CFAP54: variants seen among roughly 807,000 people sequenced by gnomAD.
CFAP54 encodes cilia and flagella associated protein 54.
A neutral mutation model predicts 370.4 loss-of-function variants in CFAP54; 290 were observed. The ratio of observed to expected loss-of-function variants is 0.78; its 90% CI spans 0.71 to 0.86. The LOEUF is 0.86. Ranked by LOEUF, CFAP54 falls within the 40% of genes least tolerant of loss-of-function variation. CFAP54 has a pLI of 0.00. For synonymous variants in CFAP54, 1,206 were observed against 1,236.5 expected (o/e 0.98, Z 0.52); for missense variants, 3,399 against 3,528.7 (o/e 0.96, Z 0.93).
rs1281222898 is a variant in CFAP54 at position 96,615,849 on chromosome 12, A to G, written c.3640-5741A>G. On this transcript the variant is annotated intron_variant, in intron 26 of 67. Transcript: ENST00000524981. ...CACCAGTTAGAATGGTGATCATTAA[A>G]AAGTCAGGAAACAAGAGGTGCTGGA... Among the ~76,000 whole-genome samples, 5 of 152,366 alleles carry G rather than the reference A, an allele frequency of 3.3e-5. No homozygotes were observed. In the East Asian group the frequency reaches 7.7e-4, roughly 23 times the overall value.
intron 47 of CFAP54, among the ~76,000 whole-genome samples, chr12:96,706,898 G>A (rs12227477): frequency 0.069 from 10,426 of 152,092 alleles, 770 homozygotes; most frequent in East Asian, 0.44. Flanking sequence ...GAGGAATTGA[G>A]TCAGAAGTTG....
At chr12:96,570,193 C>T (rs534384420) in intron 19 of CFAP54, among the ~76,000 whole-genome samples, 5 of 151,964 alleles carry the variant, frequency 3.3e-5, no homozygotes, top group Non-Finnish European at 4.4e-5. Context: ...AGCATGGTCT[C>T]GAAATCCTGG....
chr12:96,765,252 A>C, intron 60 of CFAP54, 34 bp downstream of exon 60: 3 of 1,439,642 alleles, frequency 2.1e-6, no homozygotes, highest in Admixed American at 1.9e-5. Flanking sequence ...ATGCAAAAAA[A>C]CTGATATATG....
chr12:96,503,080 T>TC (rs1565876760), intron 2 of CFAP54, among the ~76,000 whole-genome samples: 2 of 138,122 alleles, frequency 1.4e-5, no homozygotes, highest in East Asian at 5.5e-4. Context: ...CTTTCTTTCT[T>TC]TCTCTTTCTT....
chr12:96,872,502 C>T (rs921197254), intron 67 of CFAP54, among the ~76,000 whole-genome samples: 9 of 152,102 alleles, frequency 5.9e-5, no homozygotes, highest in Non-Finnish European at 1.0e-4. Context: ...AAGCTGGTGT[C>T]GCTATATTGT....
chr12:96,696,372 T>C (rs1320265299), intron 45 of CFAP54, among the ~76,000 whole-genome samples: 1 of 152,188 alleles, frequency 6.6e-6, no homozygotes, highest in African/African-American at 2.4e-5. Context: ...ATGTACAGTC[T>C]GGTCTGTCCT....
At chr12:96,587,724 C>T (rs1274257896) in intron 22 of CFAP54, among the ~76,000 whole-genome samples, 1 of 152,144 alleles carries the variant, frequency 6.6e-6, no homozygotes, top group Non-Finnish European at 1.5e-5. Flanking sequence ...GTTTCACCAA[C>T]CCTCTTACAC....
chr12:96,765,328 GTTTGGGGGCACT>G, intron 60 of CFAP54, 110 bp downstream of exon 60: 1 of 1,028,820 alleles, frequency 9.7e-7, no homozygotes, highest in African/African-American at 1.6e-5. Context: ...ATGGGATAAT[GTTTGGGGGCACT>G]TCCAGGGGAT....
Position 96,685,101 on chromosome 12 carries a change from A to G in CFAP54, c.5877A>G (p.Lys1959=), listed in dbSNP as rs763054586. 2.5e-6 allele frequency: 4 copies of G among 1,614,128 alleles called. No individual in the cohort carries two copies. The South Asian group carries it at 4.4e-5, about 18-fold the overall frequency. The change falls in exon 42 of 68, where the codon AAA becomes AAG. Residue 1959 remains lysine, a synonymous_variant. Coordinates refer to ENST00000524981, the MANE Select transcript of CFAP54 (RefSeq NM_001306084.2). ...FRKPDVLHTW[K]EFGPSLTNVT... is the part of the protein sequence containing the mutation. ...AACCAGACGTGCTACACACGTGGAA[A>G]GAATTTGGCCCCTCACTCACCAATG...
intron 1 of CFAP54, among the ~76,000 whole-genome samples, chr12:96,495,140 TTAAA>T (rs201004481): frequency 0.076 from 11,594 of 152,260 alleles, 605 homozygotes; most frequent in Non-Finnish European, 0.12. Context: ...AGAAATATCT[TTAAA>T]TAAGAGTATG....
chr12:96,651,945 T>C, intron 36 of CFAP54, 130 bp downstream of exon 36: 1 of 650,518 alleles, frequency 1.5e-6, no homozygotes, highest in Non-Finnish European at 2.6e-6. Flanking sequence ...TTGCTTCTCA[T>C]TATAATTTTG....
chr12:96,544,951 A>C (rs1592843284), intron 14 of CFAP54, among the ~76,000 whole-genome samples: 3 of 143,544 alleles, frequency 2.1e-5, no homozygotes, highest in Non-Finnish European at 3.0e-5. Flanking sequence ...TCGCTCTTTT[A>C]CCCAGGCTAG....
At chr12:96,602,590 T>G (rs1024831477) in intron 26 of CFAP54, among the ~76,000 whole-genome samples, 3 of 152,226 alleles carry the variant, frequency 2.0e-5, no homozygotes, top group Non-Finnish European at 4.4e-5. Flanking sequence ...TGTGGGAGTC[T>G]AAGTCTCTTT....
intron 32 of CFAP54, among the ~76,000 whole-genome samples, chr12:96,639,225 A>C (rs1473739336): frequency 6.6e-6 from 1 of 152,214 alleles, no homozygotes; most frequent in East Asian, 1.9e-4. Flanking sequence ...AAATGGACGC[A>C]ATAAAAAATG....
chr12:96,633,538 G>A (rs992240293), intron 32 of CFAP54, among the ~76,000 whole-genome samples: 1 of 152,182 alleles, frequency 6.6e-6, no homozygotes, highest in Non-Finnish European at 1.5e-5. Context: ...ACCACAGTAT[G>A]TAACCTTTTG....
rs771332182 is a variant in CFAP54 at position 96,649,908 on chromosome 12, A to G, written c.4708A>G (p.Thr1570Ala). 5.6e-6 allele frequency: 9 copies of G among 1,595,750 alleles called. No individual in the cohort carries two copies. The South Asian group carries it at 9.1e-5, about 16-fold the overall frequency. The change falls in exon 35 of 68, where the codon ACA becomes GCA. Residue 1570 changes from threonine to alanine, a missense_variant. This residue lies in a region of CFAP54 where 2,796 missense variants were observed against 2,869.7 expected (regional missense o/e 0.97). Coordinates refer to ENST00000524981, the MANE Select transcript of CFAP54 (RefSeq NM_001306084.2). ...NLPSDAEEFSTFINSIMSDEN... is the reference protein window; with the variant it reads ...NLPSDAEEFSAFINSIMSDEN... ...TACTGTAGATGCTGAAGAATTTTCT[A>G]CATTTATTAATTCCATAATGAGTGA...
chr12:96,667,289 A>G (rs1036973123), intron 39 of CFAP54, among the ~76,000 whole-genome samples: 3 of 152,106 alleles, frequency 2.0e-5, no homozygotes, highest in African/African-American at 7.2e-5. Flanking sequence ...ACTAGGCAGT[A>G]CCCCAGTGGA....
chr12:96,791,313 T>C (rs1284388026), intron 62 of CFAP54, among the ~76,000 whole-genome samples: 1 of 152,082 alleles, frequency 6.6e-6, no homozygotes, highest in Non-Finnish European at 1.5e-5. Context: ...TTTACCATTA[T>C]TATCTCTATG....
intron 25 of CFAP54, among the ~76,000 whole-genome samples, chr12:96,596,491 C>T (rs1956180245): frequency 6.6e-6 from 1 of 152,028 alleles, no homozygotes; most frequent in African/African-American, 2.4e-5. Flanking sequence ...GACATTTTTA[C>T]TAAATGATGG....
Sources: allele counts gnomAD v4.1 joint callset (sites outside exome capture counted in the v4.1 genomes callset), GRCh38; gene constraint gnomAD v4.1.1; regional missense constraint gnomAD v4.1.1; transcripts MANE v1.5; gene names NCBI Gene and HGNC (gene_info 2026-07-23, HGNC 2026-07-21).